DLG2: variants seen among roughly 807,000 people sequenced by gnomAD.
DLG2 encodes the protein disks large homolog 2.
Under a neutral mutation model 132.5 loss-of-function variants are expected in DLG2, and 45 were observed. That is an observed-to-expected ratio of 0.34 (90% CI 0.27 to 0.44). DLG2 has a LOEUF of 0.44. Ranked by LOEUF, DLG2 falls within the 20% of genes least tolerant of loss-of-function variation. The pLI is 1.00. For synonymous variants in DLG2, 424 were observed against 419.6 expected (o/e 1.01, Z -0.13); for missense variants, 1,045 against 1,196.9 (o/e 0.87, Z 1.87).
chr11:84,066,414 TAACTC>T (rs2096673229), intron 10 of DLG2, among the ~76,000 whole-genome samples: 2 of 152,100 alleles, frequency 1.3e-5, no homozygotes, highest in South Asian at 2.1e-4. Context: ...CCAGCACACT[TAACTC>T]AACCACACCT....
At chr11:84,838,810 T>C (rs2080182210) in intron 6 of DLG2, among the ~76,000 whole-genome samples, 1 of 152,058 alleles carries the variant, frequency 6.6e-6, no homozygotes, top group South Asian at 2.1e-4. Context: ...TGCTAAAAAC[T>C]CTCAATAAAT....
intron 10 of DLG2, among the ~76,000 whole-genome samples, chr11:84,082,435 A>G (rs1284643735): frequency 6.6e-6 from 1 of 152,230 alleles, no homozygotes; most frequent in African/African-American, 2.4e-5. Context: ...TCAGAGAAAT[A>G]CATTATCTTC....
chr11:84,675,742 C>G (rs2099710561), intron 6 of DLG2, among the ~76,000 whole-genome samples: 2 of 152,062 alleles, frequency 1.3e-5, no homozygotes, highest in African/African-American at 4.8e-5. Flanking sequence ...AATCCTAGCC[C>G]ATTGTCTCAC....
chr11:84,563,425 G>C (rs1295000532), intron 6 of DLG2, among the ~76,000 whole-genome samples: 2 of 152,162 alleles, frequency 1.3e-5, no homozygotes, highest in African/African-American at 4.8e-5. Flanking sequence ...TAATTAGTGA[G>C]AAGTAATGAC....
chr11:84,675,258 A>T lies in DLG2; in HGVS notation c.358-140527T>A, dbSNP rs139406700. 7.6e-3 allele frequency among the ~76,000 whole-genome samples: 1,156 copies of T among 152,164 alleles called. 14 individuals carry two copies. The highest frequency in any genetic ancestry group is 0.026 in the African/African-American group (1,080 of 41,534). ...CTGCTTTAACAAAACTCATCATGGA[A>T]ATAGCCTCTTCAGATAAAAACCTAA... On this transcript the variant is annotated intron_variant, in intron 6 of 27. Coordinates refer to ENST00000376104, the MANE Select transcript of DLG2 (RefSeq NM_001142699.3).
intron 19 of DLG2, among the ~76,000 whole-genome samples, chr11:83,546,060 A>C (rs942126868): frequency 6.6e-6 from 1 of 152,126 alleles, no homozygotes; most frequent in African/African-American, 2.4e-5. Flanking sequence ...GGACATGAAT[A>C]ATGTAACAAC....
chr11:83,518,683 T>C (rs1220441993), intron 21 of DLG2, among the ~76,000 whole-genome samples: 2 of 152,146 alleles, frequency 1.3e-5, no homozygotes, highest in Non-Finnish European at 2.9e-5. Context: ...CAACTTTAAG[T>C]GTCTGAATTA....
At chr11:84,422,091 C>T (rs1336656127) in intron 7 of DLG2, among the ~76,000 whole-genome samples, 1 of 152,218 alleles carries the variant, frequency 6.6e-6, no homozygotes, top group Non-Finnish European at 1.5e-5. Context: ...GGCGCTTGAA[C>T]TCTTCAGAGT....
intron 19 of DLG2, among the ~76,000 whole-genome samples, chr11:83,543,441 T>C (rs2096141144): frequency 6.6e-6 from 1 of 152,200 alleles, no homozygotes; most frequent in African/African-American, 2.4e-5. Context: ...GCATTAAGCC[T>C]ATAGTATGTG....
intron 19 of DLG2, among the ~76,000 whole-genome samples, chr11:83,553,254 A>G (rs1372260089): frequency 6.6e-6 from 1 of 152,148 alleles, no homozygotes; most frequent in Non-Finnish European, 1.5e-5. Flanking sequence ...GATTTTTTAA[A>G]ATTTTTATGT....
intron 6 of DLG2, among the ~76,000 whole-genome samples, chr11:84,975,790 C>T (rs181649894): frequency 6.6e-6 from 1 of 152,234 alleles, no homozygotes; most frequent in Admixed American, 6.5e-5. Context: ...AACTGTCTTC[C>T]TCTCCTGGTC....
intron 7 of DLG2, among the ~76,000 whole-genome samples, chr11:84,390,521 T>A (rs778375980): frequency 6.6e-6 from 1 of 152,000 alleles, no homozygotes; most frequent in Non-Finnish European, 1.5e-5. Context: ...AGGGGAGAGG[T>A]CAGGAAAAAC....
At chr11:85,552,258 TAAC>T (rs2076708717) in intron 3 of DLG2, among the ~76,000 whole-genome samples, 2 of 151,436 alleles carry the variant, frequency 1.3e-5, no homozygotes, top group Non-Finnish European at 3.0e-5. Flanking sequence ...ACCAAAATAT[TAAC>T]AAAAAAATGG....
At chr11:85,269,491 T>C (rs75268996) in intron 4 of DLG2, among the ~76,000 whole-genome samples, 3,032 of 152,370 alleles carry the variant, frequency 0.02, 60 homozygotes, top group Admixed American at 0.037. Flanking sequence ...GTAAAGATTG[T>C]AGAGTCAGAG....
At chr11:84,441,209 C>G (rs1054097148) in intron 7 of DLG2, among the ~76,000 whole-genome samples, 1 of 151,756 alleles carries the variant, frequency 6.6e-6, no homozygotes, top group Non-Finnish European at 1.5e-5. Flanking sequence ...TGCAGTGTTA[C>G]GATCATAGCT....
At chr11:84,923,371 AAAGTT>A in intron 6 of DLG2, 2 of 1,138,588 alleles carry the variant, frequency 1.8e-6, no homozygotes, top group East Asian at 4.5e-5. Flanking sequence ...TCAGCGTCTG[AAAGTT>A]AAGACCTCAG....
intron 6 of DLG2, among the ~76,000 whole-genome samples, chr11:84,910,271 T>C (rs1591114247): frequency 6.6e-6 from 1 of 152,302 alleles, no homozygotes; most frequent in South Asian, 2.1e-4. Context: ...GAAAACAATG[T>C]TTTAGGCCTA....
chr11:85,011,412 T>C (rs1331734383), intron 6 of DLG2, among the ~76,000 whole-genome samples: 1 of 152,180 alleles, frequency 6.6e-6, no homozygotes, highest in African/African-American at 2.4e-5. Context: ...TGGCACTACA[T>C]AGAAATATAC....
At chr11:84,013,924 A>G (rs185825911) in intron 11 of DLG2, among the ~76,000 whole-genome samples, 6 of 151,230 alleles carry the variant, frequency 4.0e-5, no homozygotes, top group Admixed American at 1.3e-4. Flanking sequence ...TTCCTTAATT[A>G]ACCAAAACTC....
Sources: allele counts gnomAD v4.1 joint callset (sites outside exome capture counted in the v4.1 genomes callset), GRCh38; gene constraint gnomAD v4.1.1; transcripts MANE v1.5; gene names NCBI Gene and HGNC (gene_info 2026-07-23, HGNC 2026-07-21).